Variants in PALD1 observed in about 807,000 individuals in gnomAD.
The protein encoded by PALD1 is phosphatase domain containing paladin 1, also known as paladin.
Under a neutral mutation model 96.0 loss-of-function variants are expected in PALD1, and 57 were observed. That is an observed-to-expected ratio of 0.59 (90% CI 0.48 to 0.74). PALD1 has a LOEUF of 0.74. Among genes scored for constraint, PALD1 ranks in the 30% least tolerant of loss-of-function variants. The probability of loss-of-function intolerance (pLI) is 0.00; values close to 1 mark genes in which losing one functional copy is unlikely to be tolerated. For synonymous variants in PALD1, 464 were observed against 473.6 expected, an observed-to-expected ratio of 0.98 and a Z score of 0.26; for missense variants, 1,063 against 1,143.7, an observed-to-expected ratio of 0.93 and a Z score of 1.02.
chr10:70,540,361 A>G lies in PALD1; in HGVS notation c.1908+599A>G, dbSNP rs1335255574. 1.3e-5 allele frequency among the ~76,000 whole-genome samples: 2 copies of G among 149,502 alleles called. No homozygotes were observed. The highest frequency in any genetic ancestry group is 5.0e-5 in the African/African-American group (2 of 40,328). ...CTGTATTGGGGGCTGTGTGTGGAAA[A>G]CCATCTTTAGGGGAGTGGTGTGGTG... On this transcript the variant is annotated intron_variant, in intron 15 of 19. Transcript: ENST00000263563. The surrounding 1 kb of genome is among the most constrained non-coding windows in gnomAD (Gnocchi z 4.2).
intron 1 of PALD1, among the ~76,000 whole-genome samples, chr10:70,490,346 T>G (rs1054217537): frequency 1.3e-5 from 2 of 152,106 alleles, no homozygotes. Context: ...CTCAGTCTCC[T>G]GAGTAGCTAG....
chr10:70,534,962 T>C lies in PALD1; in HGVS notation c.1227+119T>C, dbSNP rs1293054699. 3.1e-5 allele frequency: 22 copies of C among 707,774 alleles called. No individual in the cohort carries two copies. In the Admixed American group the frequency reaches 4.7e-4, roughly 15 times the overall value. The allele number at this position is 707,774 out of a possible 1,614,324, so 43.8% of individuals were successfully genotyped here. On this transcript the variant is annotated intron_variant, in intron 10 of 19. Coordinates refer to ENST00000263563, the MANE Select transcript of PALD1 (RefSeq NM_014431.3). Reference sequence around the variant, plus strand: ...CTTTTTCTGGCTGCTGCGTCTCCCATGAGAAGAGCAGTTTTCAGAGGAAGG... The same window carrying C: ...CTTTTTCTGGCTGCTGCGTCTCCCACGAGAAGAGCAGTTTTCAGAGGAAGG...
intron 18 of PALD1, among the ~76,000 whole-genome samples, chr10:70,551,889 G>C (rs898534474): frequency 3.4e-5 from 5 of 146,692 alleles, no homozygotes; most frequent in African/African-American, 1.3e-4. Context: ...GGTGGCTCAG[G>C]TTGAGCAAAG....
chr10:70,502,062 AC>A (rs1456626264), intron 1 of PALD1, among the ~76,000 whole-genome samples: 1 of 151,632 alleles, frequency 6.6e-6, no homozygotes, highest in Non-Finnish European at 1.5e-5. Context: ...GCCCTGGGAG[AC>A]TGAGGCAGGA....
intron 1 of PALD1, among the ~76,000 whole-genome samples, chr10:70,505,736 C>T (rs529718996): frequency 2.4e-4 from 36 of 152,238 alleles, no homozygotes; most frequent in African/African-American, 8.7e-4. Context: ...AAATGTTGTT[C>T]CCGGCCAGGT....
chr10:70,460,438 A>C, the PALD1 span, among the ~76,000 whole-genome samples: 1 of 152,082 alleles, frequency 6.6e-6, no homozygotes, highest in Non-Finnish European at 1.5e-5. Flanking sequence ...ATCAAGACTG[A>C]ACTCCTCTGC....
At chr10:70,507,750 CGTGTGTGTGTGTGTGT>C (rs10579511) in intron 1 of PALD1, among the ~76,000 whole-genome samples, 85 of 148,700 alleles carry the variant, frequency 5.7e-4, no homozygotes, top group Middle Eastern at 7.0e-3. Flanking sequence ...TTTGTGTGTG[CGTGTGTGTGTGTGTGT>C]GTGTGTGTGT....
chr10:70,526,233 A>G (rs1846865670), intron 2 of PALD1, 97 bp downstream of exon 2: 1 of 987,626 alleles, frequency 1.0e-6, no homozygotes, highest in South Asian at 1.5e-5. Context: ...TAACGCTTGC[A>G]GACTGGATTC....
chr10:70,498,611 T>C (rs1846236268), intron 1 of PALD1, among the ~76,000 whole-genome samples: 1 of 151,806 alleles, frequency 6.6e-6, no homozygotes, highest in Admixed American at 6.6e-5. Context: ...AGGCTGTAAT[T>C]GTTCTTTTGA....
At chr10:70,511,925 G>A (rs148024214) in intron 1 of PALD1, among the ~76,000 whole-genome samples, 3,998 of 152,214 alleles carry the variant, frequency 0.026, 160 homozygotes, top group African/African-American at 0.089. Context: ...TACTCGGGAG[G>A]CTGAGGCAGA....
At chr10:70,524,637 T>C (rs1226859063) in intron 1 of PALD1, among the ~76,000 whole-genome samples, 1 of 152,248 alleles carries the variant, frequency 6.6e-6, no homozygotes, top group African/African-American at 2.4e-5. Flanking sequence ...CTCATCCTGA[T>C]GCCCTTTCGT....
intron 1 of PALD1, among the ~76,000 whole-genome samples, chr10:70,508,821 A>AT (rs1846452184): frequency 3.3e-5 from 1 of 30,168 alleles, no homozygotes; most frequent in African/African-American, 1.7e-4. Context: ...GTGTGTGTGC[A>AT]GGCCTGTGGG....
At chr10:70,495,172 G>A (rs973530317) in intron 1 of PALD1, among the ~76,000 whole-genome samples, 2 of 152,254 alleles carry the variant, frequency 1.3e-5, no homozygotes, top group Admixed American at 6.5e-5. Flanking sequence ...TCACACGGCC[G>A]GGGCCTTCCT....
At chr10:70,462,629 G>A in the PALD1 span, among the ~76,000 whole-genome samples, 2 of 152,384 alleles carry the variant, frequency 1.3e-5, no homozygotes, top group East Asian at 1.9e-4. Context: ...TCTCCCAGCT[G>A]TGGCGTGAGC....
chr10:70,506,070 T>A (rs958411388), intron 1 of PALD1, among the ~76,000 whole-genome samples: 3 of 152,098 alleles, frequency 2.0e-5, no homozygotes, highest in Non-Finnish European at 4.4e-5. Flanking sequence ...CAGCTCCAAC[T>A]CTGACGAGCT....
At chr10:70,463,155 A>G in the PALD1 span, among the ~76,000 whole-genome samples, 1 of 152,230 alleles carries the variant, frequency 6.6e-6, no homozygotes, top group South Asian at 2.1e-4. Context: ...CTGTAATCCC[A>G]GCACTTTGGG....
intron 10 of PALD1, among the ~76,000 whole-genome samples, chr10:70,535,080 C>T (rs10999379): frequency 0.16 from 23,826 of 152,228 alleles, 2,295 homozygotes; most frequent in Admixed American, 0.22. Context: ...ATAAACAGGA[C>T]AGAGGAAGGG....
intron 4 of PALD1, 68 bp from the exon 5 acceptor site, chr10:70,531,222 G>A (rs12773720): frequency 0.12 from 159,631 of 1,337,252 alleles, 10,699 homozygotes; most frequent in South Asian, 0.17. Flanking sequence ...GCCCTGAGGT[G>A]GGGCAGTGGT....
rs200741279 is a variant in PALD1 at position 70,541,193 on chromosome 10, G to A, written c.2000G>A (p.Arg667His). ...FVFSCLSGQG[R>H]TTTAMVVAVL... ...TTCAGCTGCCTCAGCGGCCAGGGCC[G>A]TACCACAACTGCGATGGTGGTGGCT... The change falls in exon 16 of 20, where the codon CGT (arginine) becomes CAT (histidine). Residue 667 changes from arginine (R) to histidine (H), a missense_variant. Coordinates refer to ENST00000263563, the MANE Select transcript of PALD1 (RefSeq NM_014431.3). 1.2e-5 allele frequency: 19 copies of A among 1,613,724 alleles called. No homozygotes were observed. Among genetic ancestry groups the A allele is most frequent in the African/African-American group, 6.7e-5 (5 of 74,944 alleles).
Sources: gnomAD v4.1 joint callset for allele counts (sites outside exome capture counted in the v4.1 genomes callset) on GRCh38, gnomAD v4.1.1 for gene constraint, Gnocchi (gnomAD v3.1) non-coding constraint, MANE v1.5 for transcripts, NCBI Gene and HGNC (gene_info 2026-07-23, HGNC 2026-07-21) for gene names.